Variants in NBEA observed in about 807,000 individuals in gnomAD.
NBEA encodes lysosomal-trafficking regulator 2.
A neutral mutation model predicts 343.4 loss-of-function variants in NBEA; 44 were observed. The observed-to-expected ratio is 0.13, with a 90% confidence interval of 0.10 to 0.16. The LOEUF (loss-of-function observed/expected upper bound fraction) is 0.16. Among genes scored for constraint, NBEA ranks in the 10% least tolerant of loss-of-function variants. NBEA has a pLI of 1.00. For synonymous variants in NBEA, 1,175 were observed against 1,238.7 expected, an observed-to-expected ratio of 0.95 and a Z score of 1.08; for missense variants, 2,555 against 3,631.3, an observed-to-expected ratio of 0.70 and a Z score of 7.62.
intron 41 of NBEA, among the ~76,000 whole-genome samples, chr13:35,508,984 C>CT (rs1274374394): frequency 3.3e-5 from 5 of 152,232 alleles, no homozygotes; most frequent in African/African-American, 1.2e-4. Flanking sequence ...TGAGTGTCTA[C>CT]TGTGTGCCTT....
At chr13:35,365,150 A>T (rs2152877782) in intron 38 of NBEA, among the ~76,000 whole-genome samples, 1 of 151,892 alleles carries the variant, frequency 6.6e-6, no homozygotes, top group Non-Finnish European at 1.5e-5. Context: ...TTTCTAAAAT[A>T]TGTAGATTTT....
chr13:35,108,607 A>G (rs2066034877), intron 11 of NBEA, among the ~76,000 whole-genome samples: 1 of 152,092 alleles, frequency 6.6e-6, no homozygotes, highest in South Asian at 2.1e-4. Flanking sequence ...CATACTTATG[A>G]CACATCTCAC....
chr13:35,268,170 C>T lies in NBEA; in HGVS notation c.5777-22219C>T, dbSNP rs910837542. ...GGTACACATGCAGGGGAATATTATT[C>T]GCTTTTAAAGAGAATTCGGGCATAT... On this transcript the variant is annotated intron_variant, in intron 34 of 58. Coordinates refer to ENST00000379939, the MANE Select transcript of NBEA (RefSeq NM_001385012.1). 5.3e-5 allele frequency among the ~76,000 whole-genome samples: 8 copies of T among 152,034 alleles called. No homozygotes were observed. In the East Asian group the frequency reaches 5.8e-4, roughly 11 times the overall value.
chr13:35,531,576 G>T (rs1414174512), intron 41 of NBEA, among the ~76,000 whole-genome samples: 1 of 151,974 alleles, frequency 6.6e-6, no homozygotes, highest in African/African-American at 2.4e-5. Flanking sequence ...CCTTTGTATT[G>T]TTAGCTTTCA....
At chr13:35,632,973 C>G (rs1271511463) in intron 49 of NBEA, among the ~76,000 whole-genome samples, 1 of 146,066 alleles carries the variant, frequency 6.8e-6, no homozygotes, top group Non-Finnish European at 1.5e-5. Flanking sequence ...ATGGGCATCT[C>G]AGAATATCCA....
chr13:35,224,718 AG>A (rs2074556768), intron 33 of NBEA, among the ~76,000 whole-genome samples: 1 of 152,156 alleles, frequency 6.6e-6, no homozygotes. Context: ...ATTATTTTAT[AG>A]TTCCAACATA....
At chr13:34,993,069 G>T (rs1169653835) in intron 1 of NBEA, among the ~76,000 whole-genome samples, 1 of 151,848 alleles carries the variant, frequency 6.6e-6, no homozygotes, top group Non-Finnish European at 1.5e-5. Flanking sequence ...TTCATTACTC[G>T]CTCCTCTCTC....
rs1309949227 is a variant in NBEA at position 35,160,046 on chromosome 13, T to C, written c.3861+14T>C. On this transcript the variant is annotated intron_variant, in intron 22 of 58. Transcript: ENST00000379939. ...ACTACGACACAAGTAAGCTACCTTA[T>C]ATGAGTTCTAGAAATAAATAAAAAT... 2.6e-6 allele frequency: 4 copies of C among 1,526,626 alleles called. No individual in the cohort carries two copies. Among genetic ancestry groups the C allele is most frequent in the African/African-American group, 1.4e-5 (1 of 71,832 alleles). 94.6% of individuals were successfully genotyped at this position (1,526,626 alleles called of 1,614,324 possible). A position where few individuals can be genotyped will look rare whatever the true frequency, so the allele number is the denominator to read the frequency against.
intron 41 of NBEA, among the ~76,000 whole-genome samples, chr13:35,506,653 A>G (rs1233974007): frequency 1.3e-5 from 2 of 152,098 alleles, no homozygotes; most frequent in East Asian, 1.9e-4. Context: ...TTACCCCACA[A>G]ATTTTTGAGT....
At chr13:35,350,648 T>A (rs1254968843) in intron 37 of NBEA, among the ~76,000 whole-genome samples, 2 of 151,876 alleles carry the variant, frequency 1.3e-5, no homozygotes, top group African/African-American at 4.8e-5. Context: ...TTGATTATAT[T>A]GCCAGTGTTA....
intron 33 of NBEA, among the ~76,000 whole-genome samples, chr13:35,220,008 A>G (rs2074274988): frequency 6.6e-6 from 1 of 152,172 alleles, no homozygotes; most frequent in Admixed American, 6.6e-5. Flanking sequence ...ATTAACCACG[A>G]TGCTAGATCA....
chr13:35,297,466 A>G (rs936963298), intron 35 of NBEA, among the ~76,000 whole-genome samples: 3 of 152,028 alleles, frequency 2.0e-5, no homozygotes, highest in Non-Finnish European at 2.9e-5. Context: ...GAAGAATTCT[A>G]TTCTGCCAAT....
intron 34 of NBEA, among the ~76,000 whole-genome samples, chr13:35,270,971 C>G (rs2034092744): frequency 6.6e-6 from 1 of 152,244 alleles, no homozygotes; most frequent in African/African-American, 2.4e-5. Context: ...AACGTCCCTG[C>G]CTGACAGCAC....
At chr13:35,597,219 A>G (rs2081846544) in intron 47 of NBEA, among the ~76,000 whole-genome samples, 1 of 152,204 alleles carries the variant, frequency 6.6e-6, no homozygotes, top group African/African-American at 2.4e-5. Flanking sequence ...TGTATATAAT[A>G]CTATTAACTA....
intron 47 of NBEA, among the ~76,000 whole-genome samples, chr13:35,602,879 G>T (rs901545491): frequency 3.9e-5 from 6 of 152,116 alleles, no homozygotes; most frequent in African/African-American, 1.4e-4. Context: ...TTGTTCTTTG[G>T]TGGAGGCCAG....
chr13:35,114,595 C>G (rs949288519), intron 13 of NBEA, among the ~76,000 whole-genome samples: 10 of 152,116 alleles, frequency 6.6e-5, no homozygotes, highest in Non-Finnish European at 1.2e-4. Context: ...TCACTTGGCT[C>G]TGGCTCTGTA....
intron 41 of NBEA, among the ~76,000 whole-genome samples, chr13:35,508,474 GA>G (rs1338675650): frequency 2.6e-5 from 4 of 152,138 alleles, no homozygotes; most frequent in Admixed American, 2.6e-4. Context: ...CAACAATGCT[GA>G]GTTTTAATGG....
chr13:35,110,700 C>A, intron 12 of NBEA, 110 bp from the exon 13 acceptor site: 2 of 720,434 alleles, frequency 2.8e-6, no homozygotes, highest in African/African-American at 1.8e-5. Flanking sequence ...AATAAATGGT[C>A]ATTTCTTGGT....
At chr13:34,973,302 G>A (rs375642546) in intron 1 of NBEA, among the ~76,000 whole-genome samples, 1 of 152,164 alleles carries the variant, frequency 6.6e-6, no homozygotes, top group East Asian at 1.9e-4. Flanking sequence ...TAAGGAAGCA[G>A]CCTGGCCACA....
Sources: gnomAD v4.1 joint callset for allele counts (sites outside exome capture counted in the v4.1 genomes callset) on GRCh38, gnomAD v4.1.1 for gene constraint, MANE v1.5 for transcripts, NCBI Gene and HGNC (gene_info 2026-07-23, HGNC 2026-07-21) for gene names.